Variants in GMEB1 observed in about 807,000 individuals in gnomAD.
GMEB1 encodes the protein glucocorticoid modulatory element binding protein 1, also known as glucocorticoid modulatory element-binding protein 1.
GMEB1 carries 6 observed loss-of-function variants against 52.4 expected under a neutral mutation model. The observed-to-expected ratio is 0.11, with a 90% CI of 0.06 to 0.23. The LOEUF (loss-of-function observed/expected upper bound fraction) is 0.23, where lower values mean the gene tolerates loss of function less well. Among genes scored for constraint, GMEB1 ranks in the 10% least tolerant of loss-of-function variants. The pLI, the probability that GMEB1 is intolerant of heterozygous loss-of-function variation, is 1.00. For missense variants in GMEB1, 486 were observed against 685.6 expected (o/e 0.71, Z 3.25); for synonymous variants, 255 against 244.9 (o/e 1.04, Z -0.38).
intron 1 of GMEB1, among the ~76,000 whole-genome samples, chr1:28,669,265 C>T (rs531659921): frequency 1.3e-5 from 2 of 151,916 alleles, no homozygotes; most frequent in African/African-American, 2.4e-5. Flanking sequence ...CCCAGGACCC[C>T]ATCGAGGGGT....
chr1:28,714,884 A>C lies in GMEB1; in HGVS notation c.*111A>C, dbSNP rs186305930. On this transcript the variant is annotated 3_prime_UTR_variant, in exon 10 of 10. Transcript: ENST00000373816. ...ATAGGACCCTTTTTTAAAAAAAAAA[A>C]AACAAAATCTTATTGTTGTAACTGA... 122 of 784,546 alleles carry C rather than the reference A, an allele frequency of 1.6e-4. No individual in the cohort carries two copies. The highest frequency in any genetic ancestry group is 1.2e-3 in the Admixed American group (42 of 34,232). The allele number at this position is 784,546 out of a possible 1,614,324, so 48.6% of individuals were successfully genotyped here. A position where few individuals can be genotyped will look rare whatever the true frequency, so the allele number is the denominator to read the frequency against.
In GMEB1 at chr1:28,718,113, G is replaced by C. The variant is rs1671318708; in HGVS notation, c.*3340G>C. 6.6e-6 allele frequency: 1 copy of C among 152,206 alleles called. No homozygotes were observed. Among genetic ancestry groups the C allele is most frequent in the Non-Finnish European group, 1.5e-5 (1 of 68,048 alleles). The allele number at this position is 152,206 out of a possible 1,614,324, so 9.4% of individuals were successfully genotyped here. ...TGGGGTGAGACATATGCAAGCCATTGGTATGTGCATAAGCAGTTGCAATGA... is the reference window on the plus strand; with the variant it reads ...TGGGGTGAGACATATGCAAGCCATTCGTATGTGCATAAGCAGTTGCAATGA... On this transcript the variant is annotated 3_prime_UTR_variant, in exon 10 of 10. Coordinates refer to ENST00000373816, the MANE Select transcript of GMEB1 (RefSeq NM_001319674.2).
Position 28,683,635 on chromosome 1 carries a change from T to G in GMEB1, c.23T>G (p.Val8Gly), listed in dbSNP as rs150937827. Residue 8 changes from valine to glycine, a missense_variant, in exon 2 of 10, where the codon GTC becomes GGC. Around this residue, in one of 5 missense-constraint regions of GMEB1, gnomAD observed 88 missense variants for 96.5 expected, o/e 0.91. Coordinates refer to ENST00000373816, the MANE Select transcript of GMEB1 (RefSeq NM_001319674.2). ...AAGATGGCTAATGCAGAAGTGAGTGTCCCAGTGGGGGATGTGGTTGTGGTA... is the reference window on the plus strand; with the variant it reads ...AAGATGGCTAATGCAGAAGTGAGTGGCCCAGTGGGGGATGTGGTTGTGGTA... MANAEVS[V>G]PVGDVVVVPT... is the part of the protein sequence containing the mutation. 7,497 of 1,609,268 alleles carry G rather than the reference T, an allele frequency of 4.7e-3. 28 individuals are homozygous for G. Among genetic ancestry groups the G allele is most frequent in the Middle Eastern group, 0.012 (71 of 6,048 alleles).
At chr1:28,678,818 C>T (rs1033979417) in intron 1 of GMEB1, among the ~76,000 whole-genome samples, 1 of 151,798 alleles carries the variant, frequency 6.6e-6, no homozygotes, top group Non-Finnish European at 1.5e-5. Flanking sequence ...AACTCCTGAG[C>T]TTAAGCAATC....
intron 1 of GMEB1, among the ~76,000 whole-genome samples, chr1:28,674,708 CTTTTTTTT>C (rs34267851): frequency 1.6e-4 from 8 of 49,128 alleles, no homozygotes; most frequent in African/African-American, 5.8e-4. Context: ...ATAGTTAATT[CTTTTTTTT>C]TTTTTTTTTT....
chr1:28,698,721 C>T (rs561733680), intron 6 of GMEB1, among the ~76,000 whole-genome samples: 27 of 151,440 alleles, frequency 1.8e-4, no homozygotes, highest in Non-Finnish European at 3.4e-4. Context: ...CTTTGGCTCA[C>T]GCCTGTAATC....
At chr1:28,684,381 G>A (rs924709851) in intron 2 of GMEB1, among the ~76,000 whole-genome samples, 1 of 151,862 alleles carries the variant, frequency 6.6e-6, no homozygotes, top group Non-Finnish European at 1.5e-5. Context: ...GGCTAACATG[G>A]TGAAACCCTG....
rs569874961 is a variant in GMEB1 at position 28,684,517 on chromosome 1, C to T, written c.128+777C>T. On this transcript the variant is annotated intron_variant, in intron 2 of 9. Coordinates refer to ENST00000373816, the MANE Select transcript of GMEB1 (RefSeq NM_001319674.2). The stretch of plus-strand genomic sequence containing the variant: ...GGCGGAGCTTGTAGTGAGCCGAGAT[C>T]GCGCCACTGCACTCCAGTCTGGGCG... Among the ~76,000 whole-genome samples the T allele has an allele frequency of 5.4e-3, 793 of 147,894 alleles. 3 individuals are homozygous for T. The highest frequency in any genetic ancestry group is 0.019 in the African/African-American group (767 of 40,292).
intron 2 of GMEB1, among the ~76,000 whole-genome samples, chr1:28,688,293 A>T (rs2124500589): frequency 6.6e-6 from 1 of 152,334 alleles, no homozygotes; most frequent in East Asian, 1.9e-4. Flanking sequence ...CAAGAAACAA[A>T]CACACATACA....
At chr1:28,696,044 G>GTTTATTTATTTA (rs1174545089) in intron 5 of GMEB1, among the ~76,000 whole-genome samples, 80 of 54,658 alleles carry the variant, frequency 1.5e-3, no homozygotes, top group Non-Finnish European at 2.4e-3. Context: ...TATTTTTATT[G>GTTTATTTATTTA]TTTGTTTATT....
At chr1:28,694,615 GGACTACAGGTGT>G (rs1378792168) in intron 5 of GMEB1, among the ~76,000 whole-genome samples, 2 of 151,750 alleles carry the variant, frequency 1.3e-5, no homozygotes, top group African/African-American at 4.8e-5. Context: ...AAAGTAGGTT[GGACTACAGGTGT>G]GAGCCAGTGT....
chr1:28,715,310 A>G lies in GMEB1; in HGVS notation c.*537A>G, dbSNP rs1421892651. ...CATGCCAGCACTAGCTTAAAAAGGG[A>G]AGTGCTAGCCGGGCGTGGTGGCTCA... On this transcript the variant is annotated 3_prime_UTR_variant, in exon 10 of 10. Coordinates refer to ENST00000373816, the MANE Select transcript of GMEB1 (RefSeq NM_001319674.2). 1 of 153,764 alleles carries G rather than the reference A, an allele frequency of 6.5e-6. No individual in the cohort carries two copies. The highest frequency in any genetic ancestry group is 2.4e-5 in the African/African-American group (1 of 41,450). 9.5% of individuals were successfully genotyped at this position (153,764 alleles called of 1,614,324 possible).
At chr1:28,668,338 C>T (rs1447657600), upstream of GMEB1, among the ~76,000 whole-genome samples, 1 of 151,896 alleles carries the variant, frequency 6.6e-6, no homozygotes, top group Non-Finnish European at 1.5e-5. Context: ...CTCAAGGACT[C>T]GTGACCAGTT....
chr1:28,703,490 C>T (rs191482631), intron 7 of GMEB1, among the ~76,000 whole-genome samples: 27 of 151,894 alleles, frequency 1.8e-4, no homozygotes, highest in African/African-American at 5.8e-4. Context: ...GGAGAAACCC[C>T]GTCTCTACTA....
In GMEB1 at chr1:28,719,077, CT is replaced by C. The variant is rs889520280; in HGVS notation, c.*4306del. 1.3e-5 allele frequency: 2 copies of C among 152,242 alleles called. No individual in the cohort carries two copies. The highest frequency in any genetic ancestry group is 2.9e-5 in the Non-Finnish European group (2 of 68,048). 9.4% of individuals were successfully genotyped at this position (152,242 alleles called of 1,614,324 possible). On this transcript the variant is annotated 3_prime_UTR_variant, in exon 10 of 10. Coordinates refer to ENST00000373816, the MANE Select transcript of GMEB1 (RefSeq NM_001319674.2). ...TGGAGAACGCTGAGTCATGCATGGGCTTCTCCAAGTTTCCATCAGATGGGAT... is the reference window on the plus strand; with the variant it reads ...TGGAGAACGCTGAGTCATGCATGGGCTCTCCAAGTTTCCATCAGATGGGAT...
At chr1:28,681,541 A>G (rs982006507) in intron 1 of GMEB1, among the ~76,000 whole-genome samples, 3 of 152,152 alleles carry the variant, frequency 2.0e-5, no homozygotes, top group Non-Finnish European at 4.4e-5. Flanking sequence ...GGTGGCTGGT[A>G]TGGTATTAGG....
intron 2 of GMEB1, chr1:28,689,834 AG>A (rs761839907): frequency 3.1e-6 from 1 of 321,350 alleles, no homozygotes; most frequent in Non-Finnish European, 5.7e-6. Flanking sequence ...GGTGTAATAC[AG>A]TAGCAAGTGG....
chr1:28,714,873 T>TA lies in GMEB1; in HGVS notation c.*113dup, dbSNP rs372271712. ...CTCATTTCCACATAGGACCCTTTTT[T>TA]AAAAAAAAAAAAACAAAATCTTATT... On this transcript the variant is annotated 3_prime_UTR_variant, in exon 10 of 10. Coordinates refer to ENST00000373816, the MANE Select transcript of GMEB1 (RefSeq NM_001319674.2). 0.16 allele frequency: 82,941 copies of TA among 519,514 alleles called. 1 individual carries two copies. Among genetic ancestry groups the TA allele is most frequent in the East Asian group, 0.22 (4,805 of 22,134 alleles). The allele number at this position is 519,514 out of a possible 1,614,324, so 32.2% of individuals were successfully genotyped here. A position where few individuals can be genotyped will look rare whatever the true frequency, so the allele number is the denominator to read the frequency against.
intron 6 of GMEB1, among the ~76,000 whole-genome samples, chr1:28,701,019 A>G (rs1476427630): frequency 6.6e-6 from 1 of 152,008 alleles, no homozygotes; most frequent in African/African-American, 2.4e-5. Context: ...TTTTGTATAT[A>G]TGGGTTCCAC....
Sources: gnomAD v4.1 joint callset for allele counts (sites outside exome capture counted in the v4.1 genomes callset) on GRCh38, gnomAD v4.1.1 for gene constraint, gnomAD v4.1.1 regional missense constraint, MANE v1.5 for transcripts, NCBI Gene and HGNC (gene_info 2026-07-23, HGNC 2026-07-21) for gene names.